TTC28: variants seen among roughly 807,000 people sequenced by gnomAD.
TTC28 encodes the protein tetratricopeptide repeat domain 28.
In TTC28, 61 loss-of-function variants were observed where a neutral mutation model predicts 198.0. The observed-to-expected ratio is 0.31, with a 90% confidence interval of 0.25 to 0.38. The LOEUF (loss-of-function observed/expected upper bound fraction) is 0.38, where lower values mean the gene tolerates loss of function less well. Ranked by LOEUF, TTC28 falls within the 10% of genes least tolerant of loss-of-function variation. TTC28 has a pLI of 1.00. For synonymous variants in TTC28, 1,171 were observed against 1,297.8 expected (o/e 0.90, Z 2.10); for missense variants, 2,678 against 3,164.0 (o/e 0.85, Z 3.69).
rs558881938 is a variant in TTC28 at position 28,191,943 on chromosome 22, G to A, written c.934-28344C>T. Among the ~76,000 whole-genome samples, 7 of 152,290 alleles carry A rather than the reference G, an allele frequency of 4.6e-5. No homozygotes were observed. The East Asian group carries it at 1.2e-3, about 25-fold the overall frequency. On this transcript the variant is annotated intron_variant, in intron 5 of 22. Coordinates refer to ENST00000397906, the MANE Select transcript of TTC28 (RefSeq NM_001145418.2). ...GTCTGACAGCTTTGAAGAGAGTAGTGGTTCTCCCAGCACGCAGCTGGAGAT... is the reference window on the plus strand; with the variant it reads ...GTCTGACAGCTTTGAAGAGAGTAGTAGTTCTCCCAGCACGCAGCTGGAGAT...
chr22:28,601,852 C>T (rs1018302880), intron 2 of TTC28, among the ~76,000 whole-genome samples: 3 of 151,162 alleles, frequency 2.0e-5, no homozygotes, highest in Non-Finnish European at 2.9e-5. Context: ...TTTTATATAG[C>T]ACTAATGCTG....
intron 2 of TTC28, among the ~76,000 whole-genome samples, chr22:28,329,231 A>G (rs1422897658): frequency 6.6e-6 from 1 of 152,214 alleles, no homozygotes; most frequent in East Asian, 1.9e-4. Context: ...ATATATACAT[A>G]CAGAGTATTA....
chr22:28,130,952 C>T (rs889153192), intron 6 of TTC28, among the ~76,000 whole-genome samples: 1 of 152,178 alleles, frequency 6.6e-6, no homozygotes, highest in African/African-American at 2.4e-5. Flanking sequence ...AGGAGCCAAA[C>T]GTCATTTCTG....
At position 28,005,144 on chromosome 22, in the gene TTC28, C is replaced by A. The variant is rs971180120; in HGVS notation, c.4219-3591G>T. 6.6e-6 allele frequency among the ~76,000 whole-genome samples: 1 copy of A among 152,180 alleles called. No homozygotes were observed. The highest frequency in any genetic ancestry group is 1.5e-5 in the Non-Finnish European group (1 of 68,034). On this transcript the variant is annotated intron_variant, in intron 14 of 22. Coordinates refer to ENST00000397906, the MANE Select transcript of TTC28 (RefSeq NM_001145418.2). This position sits in a 1 kb window ranked among gnomAD's most constrained non-coding sequence, Gnocchi z 4.9. ...TCTGTCTCTTCCCCAGGGGTGCCGC[C>A]CTGCGCTCTCACCAAGGGGCTGTGA...
intron 9 of TTC28, 28 bp downstream of exon 9, chr22:28,101,143 A>T: frequency 6.6e-7 from 1 of 1,512,080 alleles, no homozygotes; most frequent in Non-Finnish European, 9.0e-7. Context: ...GAAACAAAAA[A>T]TCCACTTCAG....
chr22:28,441,797 G>T (rs2047625840), intron 2 of TTC28, among the ~76,000 whole-genome samples: 1 of 151,754 alleles, frequency 6.6e-6, no homozygotes, highest in African/African-American at 2.4e-5. Flanking sequence ...ACAGGTCAAG[G>T]CTGGAGAGGA....
intron 5 of TTC28, among the ~76,000 whole-genome samples, chr22:28,205,559 A>G (rs922616348): frequency 3.5e-4 from 54 of 152,230 alleles, no homozygotes; most frequent in African/African-American, 1.3e-3. Context: ...AACATAGAAA[A>G]ATGTCAGACT....
intron 2 of TTC28, among the ~76,000 whole-genome samples, chr22:28,506,789 G>A (rs1256181778): frequency 1.3e-5 from 2 of 152,210 alleles, no homozygotes; most frequent in Admixed American, 1.3e-4. Context: ...CTAGGGTCTG[G>A]AGCAGACCCC....
At chr22:28,554,245 G>A (rs1207357136) in intron 2 of TTC28, among the ~76,000 whole-genome samples, 6 of 151,712 alleles carry the variant, frequency 4.0e-5, no homozygotes, top group East Asian at 1.9e-4. Context: ...GCGGAAGGCC[G>A]CAGGGTCCTC....
At chr22:28,073,852 A>T (rs1420156516) in intron 12 of TTC28, among the ~76,000 whole-genome samples, 1 of 152,230 alleles carries the variant, frequency 6.6e-6, no homozygotes, top group East Asian at 1.9e-4. Context: ...CTTAACGGGC[A>T]GTATAAAAAA....
intron 5 of TTC28, among the ~76,000 whole-genome samples, chr22:28,216,162 AGAAT>A (rs1322779095): frequency 1.3e-5 from 2 of 152,208 alleles, no homozygotes; most frequent in African/African-American, 4.8e-5. Context: ...CAACATTTGC[AGAAT>A]GAATGAATGA....
At chr22:28,071,160 T>C (rs1940952263) in intron 12 of TTC28, among the ~76,000 whole-genome samples, 1 of 151,952 alleles carries the variant, frequency 6.6e-6, no homozygotes, top group Non-Finnish European at 1.5e-5. Flanking sequence ...TGATGTGTTA[T>C]CTCCTGACAT....
chr22:28,367,196 G>C (rs1335154384), intron 2 of TTC28, among the ~76,000 whole-genome samples: 1 of 151,814 alleles, frequency 6.6e-6, no homozygotes, highest in Non-Finnish European at 1.5e-5. Context: ...GGTCAAAAAA[G>C]AAGTCTTAAA....
intron 2 of TTC28, among the ~76,000 whole-genome samples, chr22:28,351,449 T>C (rs1037162988): frequency 1.3e-5 from 2 of 152,236 alleles, no homozygotes; most frequent in East Asian, 3.8e-4. Flanking sequence ...ATCCCATATA[T>C]GCTTTGAGAC....
At chr22:28,252,010 C>T (rs1033177891) in intron 5 of TTC28, among the ~76,000 whole-genome samples, 1 of 152,088 alleles carries the variant, frequency 6.6e-6, no homozygotes, top group Non-Finnish European at 1.5e-5. Flanking sequence ...ATAGCGGGGA[C>T]ATTACTCAGG....
chr22:28,633,604 G>A (rs2051216171), intron 1 of TTC28, among the ~76,000 whole-genome samples: 1 of 152,094 alleles, frequency 6.6e-6, no homozygotes, highest in Non-Finnish European at 1.5e-5. Flanking sequence ...ACTTCAGCCT[G>A]GACAACAAGC....
chr22:27,990,854 A>G (rs1156746692), intron 19 of TTC28, 42 bp from the exon 20 acceptor site: 1 of 1,539,898 alleles, frequency 6.5e-7, no homozygotes, highest in Admixed American at 2.0e-5. Context: ...AAAGAGAGAA[A>G]GAAGAGAGTT....
chr22:28,053,510 A>G (rs1940165995), intron 12 of TTC28, among the ~76,000 whole-genome samples: 2 of 152,224 alleles, frequency 1.3e-5, no homozygotes, highest in African/African-American at 4.8e-5. Context: ...GGAAAATCCA[A>G]ATTCAAAGAG....
rs549433457 is a variant in TTC28 at position 28,070,406 on chromosome 22, C to A, written c.3932+23674G>T. ...ACCCAAAAAAGTAAGACTACTCAAG[C>A]CTAACAAATAGATTTTTTTTGAAAA... is the stretch of plus-strand genomic sequence containing the variant. On this transcript the variant is annotated intron_variant, in intron 12 of 22. Coordinates refer to ENST00000397906, the MANE Select transcript of TTC28 (RefSeq NM_001145418.2). 5.3e-5 allele frequency among the ~76,000 whole-genome samples: 8 copies of A among 152,268 alleles called. No homozygotes were observed. In the East Asian group the frequency reaches 1.2e-3, roughly 22 times the overall value.
Sources: allele counts gnomAD v4.1 joint callset (sites outside exome capture counted in the v4.1 genomes callset), GRCh38; gene constraint gnomAD v4.1.1; non-coding constraint Gnocchi (gnomAD v3.1); transcripts MANE v1.5; gene names NCBI Gene and HGNC (gene_info 2026-07-23, HGNC 2026-07-21).